The following KIRREL3 variants were observed in gnomAD, a reference collection of about 807,000 sequenced individuals.
KIRREL3 encodes kirre like nephrin family adhesion molecule 3, also known as kin of IRRE-like protein 3.
Under a neutral mutation model 89.7 loss-of-function variants are expected in KIRREL3, and 36 were observed. That is an observed-to-expected ratio of 0.40 (90% CI 0.31 to 0.53). The LOEUF (loss-of-function observed/expected upper bound fraction) is 0.53, where lower values mean the gene tolerates loss of function less well. Ranked by LOEUF, KIRREL3 falls within the 20% of genes least tolerant of loss-of-function variation. KIRREL3 has a pLI of 0.49. For missense variants in KIRREL3, 864 were observed against 1,056.6 expected (o/e 0.82, Z 2.53); for synonymous variants, 445 against 441.4 (o/e 1.01, Z -0.10).
intron 1 of KIRREL3, among the ~76,000 whole-genome samples, chr11:126,823,665 T>G (rs1467184589): frequency 1.3e-5 from 2 of 152,138 alleles, no homozygotes; most frequent in Admixed American, 1.3e-4. Flanking sequence ...GAGAAATCAG[T>G]CTCCAGGCTT....
chr11:126,695,051 C>T (rs1947032616), intron 1 of KIRREL3, among the ~76,000 whole-genome samples: 1 of 152,176 alleles, frequency 6.6e-6, no homozygotes, highest in South Asian at 2.1e-4. Context: ...GGAACCCATC[C>T]CTCACCCCCT....
At chr11:126,426,630 A>G (rs1456835530) in intron 15 of KIRREL3, among the ~76,000 whole-genome samples, 1 of 152,222 alleles carries the variant, frequency 6.6e-6, no homozygotes, top group Admixed American at 6.5e-5. Flanking sequence ...ATTAATCTGA[A>G]TAACCACAGT....
rs1156468897 is a variant in KIRREL3 at position 126,643,835 on chromosome 11, T to C, written c.56-80923A>G. ...CTGGTGACCAAAAAGATGAAGAGAA[T>C]GAGGGGAGGAAGAGCAAAGCTGACC... On this transcript the variant is annotated intron_variant, in intron 1 of 16. Coordinates refer to ENST00000525144, the MANE Select transcript of KIRREL3 (RefSeq NM_032531.4). The surrounding 1 kb of genome is among the most constrained non-coding windows in gnomAD (Gnocchi z 4.5). Among the ~76,000 whole-genome samples, 1 of 151,796 alleles carries C rather than the reference T, an allele frequency of 6.6e-6. No homozygotes were observed. Among genetic ancestry groups the C allele is most frequent in the African/African-American group, 2.4e-5 (1 of 41,272 alleles).
rs1342901427 is a variant in KIRREL3 at position 126,677,137 on chromosome 11, G to T, written c.56-114225C>A. Among the ~76,000 whole-genome samples the T allele has an allele frequency of 6.6e-6, 1 of 151,610 alleles. No homozygotes were observed. Among genetic ancestry groups the T allele is most frequent in the Non-Finnish European group, 1.5e-5 (1 of 67,956 alleles). ...CAATTCAGTGATTTTTAATATATTC[G>T]CAGATTTGCACAACCACCACCACAG... On this transcript the variant is annotated intron_variant, in intron 1 of 16. Coordinates refer to ENST00000525144, the MANE Select transcript of KIRREL3 (RefSeq NM_032531.4). The surrounding 1 kb of genome is among the most constrained non-coding windows in gnomAD (Gnocchi z 5.1).
At chr11:126,588,682 T>G (rs2134696789) in intron 1 of KIRREL3, among the ~76,000 whole-genome samples, 1 of 152,336 alleles carries the variant, frequency 6.6e-6, no homozygotes, top group South Asian at 2.1e-4. Context: ...TTATTATGCT[T>G]TTGTTTAGAA....
intron 1 of KIRREL3, among the ~76,000 whole-genome samples, chr11:126,813,946 C>T (rs567171660): frequency 1.2e-4 from 18 of 151,924 alleles, no homozygotes; most frequent in East Asian, 1.9e-4. Flanking sequence ...TTCTGTACAG[C>T]GAAAGAAACT....
chr11:126,425,149 C>T, intron 16 of KIRREL3, 126 bp from the exon 17 acceptor site: 1 of 868,870 alleles, frequency 1.2e-6, no homozygotes. Flanking sequence ...AAGGGAGCAA[C>T]CTGGTAGGGA....
chr11:126,857,086 C>T (rs943922716), intron 1 of KIRREL3, among the ~76,000 whole-genome samples: 4 of 152,230 alleles, frequency 2.6e-5, no homozygotes, highest in Admixed American at 2.0e-4. Context: ...TTTGAGGCCA[C>T]ATTTTATTCT....
rs1941119721 is a variant in KIRREL3 at position 126,574,043 on chromosome 11, C to T, written c.56-11131G>A. 6.6e-6 allele frequency among the ~76,000 whole-genome samples: 1 copy of T among 152,190 alleles called. No individual in the cohort carries two copies. The highest frequency in any genetic ancestry group is 6.5e-5 in the Admixed American group (1 of 15,290). On this transcript the variant is annotated intron_variant, in intron 1 of 16. Coordinates refer to ENST00000525144, the MANE Select transcript of KIRREL3 (RefSeq NM_032531.4). This position sits in a 1 kb window ranked among gnomAD's most constrained non-coding sequence, Gnocchi z 5.3. ...GCTCCATGGAAGCCCCTTACAGGCC[C>T]CAGACAAGGGGCTTCATTCTGAGGG...
intron 1 of KIRREL3, among the ~76,000 whole-genome samples, chr11:126,873,467 C>T (rs967341975): frequency 1.3e-5 from 2 of 152,190 alleles, no homozygotes; most frequent in South Asian, 4.1e-4. Flanking sequence ...TTCACATTTC[C>T]CTCCTTTGCT....
At chr11:126,799,552 G>C (rs1480294577) in intron 1 of KIRREL3, among the ~76,000 whole-genome samples, 2 of 25,754 alleles carry the variant, frequency 7.8e-5, no homozygotes, top group Non-Finnish European at 1.7e-4. Flanking sequence ...GATGATAAGA[G>C]CTTGGGGAAA....
chr11:126,850,684 A>G (rs968724654), intron 1 of KIRREL3, among the ~76,000 whole-genome samples: 4 of 152,204 alleles, frequency 2.6e-5, no homozygotes, highest in African/African-American at 9.6e-5. Flanking sequence ...GGAACTTCAA[A>G]AGGCAGCGTT....
intron 2 of KIRREL3, among the ~76,000 whole-genome samples, chr11:126,559,272 C>T (rs141291374): frequency 6.6e-6 from 1 of 152,200 alleles, no homozygotes; most frequent in African/African-American, 2.4e-5. Context: ...CGCTCCTTTT[C>T]AATACCTACC....
In KIRREL3 at chr11:126,557,917, A is replaced by G. The variant is rs1939823022; in HGVS notation, c.133+4918T>C. On this transcript the variant is annotated intron_variant, in intron 2 of 16. Coordinates refer to ENST00000525144, the MANE Select transcript of KIRREL3 (RefSeq NM_032531.4). The surrounding 1 kb of genome is among the most constrained non-coding windows in gnomAD (Gnocchi z 5.6). ...CTGGGTGCTCCAGCTCTTCCCACAC[A>G]GGGTAGAGGTCTCCAGTCAGCAAAA... is the stretch of plus-strand genomic sequence containing the variant. Among the ~76,000 whole-genome samples the G allele has an allele frequency of 6.6e-6, 1 of 152,214 alleles. No individual in the cohort carries two copies. The highest frequency in any genetic ancestry group is 6.5e-5 in the Admixed American group (1 of 15,292).
intron 7 of KIRREL3, among the ~76,000 whole-genome samples, chr11:126,453,737 C>T (rs1462605440): frequency 3.3e-5 from 5 of 152,116 alleles, no homozygotes; most frequent in Admixed American, 6.5e-5. Flanking sequence ...ACCTGGGGGC[C>T]GGAGGGGCTC....
Position 126,498,455 on chromosome 11 carries a change from G to A in KIRREL3, c.433+22860C>T, listed in dbSNP as rs926997635. ...CAGGAAAGACCTGCTGCTAATTGTC[G>A]CTAGGCATCACACTATCCTGTCTGT... On this transcript the variant is annotated intron_variant, in intron 4 of 16. Coordinates refer to ENST00000525144, the MANE Select transcript of KIRREL3 (RefSeq NM_032531.4). This position sits in a 1 kb window ranked among gnomAD's most constrained non-coding sequence, Gnocchi z 4.3. Among the ~76,000 whole-genome samples, 8 of 152,262 alleles carry A rather than the reference G, an allele frequency of 5.3e-5. No individual in the cohort carries two copies. Among genetic ancestry groups the A allele is most frequent in the Admixed American group, 2.6e-4 (4 of 15,298 alleles).
chr11:126,560,510 A>G (rs539139348), intron 2 of KIRREL3, among the ~76,000 whole-genome samples: 1 of 152,378 alleles, frequency 6.6e-6, no homozygotes, highest in Admixed American at 6.5e-5. Flanking sequence ...AGATCTATAA[A>G]GCTCCTGTTC....
At chr11:126,894,452 T>C (rs1946057483) in intron 1 of KIRREL3, among the ~76,000 whole-genome samples, 1 of 142,920 alleles carries the variant, frequency 7.0e-6, no homozygotes, top group Non-Finnish European at 1.5e-5. Context: ...CTCATGCTTA[T>C]GACCCTAACA....
chr11:126,629,256 C>T (rs545377441), intron 1 of KIRREL3, among the ~76,000 whole-genome samples: 5 of 152,104 alleles, frequency 3.3e-5, no homozygotes, highest in East Asian at 1.9e-4. Flanking sequence ...TGGGTAGAGG[C>T]GGACCAGGAC....
Sources: allele counts gnomAD v4.1 joint callset (sites outside exome capture counted in the v4.1 genomes callset), GRCh38; gene constraint gnomAD v4.1.1; non-coding constraint Gnocchi (gnomAD v3.1); transcripts MANE v1.5; gene names NCBI Gene and HGNC (gene_info 2026-07-23, HGNC 2026-07-21).